Variants in GDAP2 observed in about 807,000 individuals in gnomAD.
GDAP2 encodes ganglioside induced differentiation associated protein 2.
Under a neutral mutation model 67.0 loss-of-function variants are expected in GDAP2, and 51 were observed. That is an observed-to-expected ratio of 0.76 (90% CI 0.61 to 0.96). GDAP2 has a LOEUF of 0.96. GDAP2 is among the 40% of genes least tolerant of loss of function. GDAP2 has a pLI of 0.00. For missense variants in GDAP2, 547 were observed against 588.3 expected, an observed-to-expected ratio of 0.93 and a Z score of 0.73; for synonymous variants, 203 against 207.3, an observed-to-expected ratio of 0.98 and a Z score of 0.18.
chr1:117,901,071 A>G (rs1649452313), intron 6 of GDAP2, among the ~76,000 whole-genome samples: 1 of 152,170 alleles, frequency 6.6e-6, no homozygotes, highest in African/African-American at 2.4e-5. Context: ...AAAAATAAAT[A>G]ATAAATAAAA....
intron 3 of GDAP2, among the ~76,000 whole-genome samples, chr1:117,917,324 T>A (rs758616688): frequency 6.6e-6 from 1 of 152,186 alleles, no homozygotes; most frequent in Admixed American, 6.5e-5. Context: ...AAAAAGGGGA[T>A]AGGATTAAGT....
intron 11 of GDAP2, among the ~76,000 whole-genome samples, chr1:117,882,089 T>C (rs1298789926): frequency 6.6e-6 from 1 of 152,174 alleles, no homozygotes; most frequent in Non-Finnish European, 1.5e-5. Context: ...TAGGAGATAT[T>C]AAGTGCTTCT....
At chr1:117,906,651 C>G (rs4659353) in intron 5 of GDAP2, 69 bp from the exon 6 acceptor site, 15 of 833,094 alleles carry the variant, frequency 1.8e-5, no homozygotes, top group Middle Eastern at 3.1e-4. Flanking sequence ...AAATCAAGCT[C>G]TTCAATGTTT....
At chr1:117,878,347 T>A (rs1296390921) in intron 12 of GDAP2, among the ~76,000 whole-genome samples, 195 bp from the exon 13 acceptor site, 1 of 152,196 alleles carries the variant, frequency 6.6e-6, no homozygotes, top group African/African-American at 2.4e-5. Context: ...GAAACGAGGA[T>A]AACACTGACT....
intron 13 of GDAP2, chr1:117,877,630 A>T (rs1335165587): frequency 1.2e-5 from 12 of 997,506 alleles, no homozygotes; most frequent in Middle Eastern, 5.1e-4. Flanking sequence ...CATGATTTGC[A>T]ATTAATTCTA....
At chr1:117,914,411 A>AAAATAATAATTG (rs1649974568) in intron 3 of GDAP2, among the ~76,000 whole-genome samples, 1 of 152,194 alleles carries the variant, frequency 6.6e-6, no homozygotes. Flanking sequence ...AAATAAAACA[A>AAAATAATAATTG]AAATAAATTG....
chr1:117,913,256 C>T (rs1408197292), intron 3 of GDAP2, among the ~76,000 whole-genome samples: 3 of 152,090 alleles, frequency 2.0e-5, no homozygotes, highest in Non-Finnish European at 4.4e-5. Context: ...GCTAAAAAGG[C>T]TCAGAAATTG....
rs1648173687 is a variant in GDAP2 at position 117,869,182 on chromosome 1, G to C, written c.*1387C>G. 1 of 152,040 alleles carries C rather than the reference G, an allele frequency of 6.6e-6. No individual in the cohort carries two copies. Among genetic ancestry groups the C allele is most frequent in the Non-Finnish European group, 1.5e-5 (1 of 68,056 alleles). 9.4% of individuals were successfully genotyped at this position (152,040 alleles called of 1,614,324 possible). On this transcript the variant is annotated 3_prime_UTR_variant, in exon 14 of 14. Transcript: ENST00000369443. ...GGGGTGAGGAAGATGGGGCTGTGGG[G>C]AGGTGGCTGTAGGAATCAAAAAAAG...
intron 8 of GDAP2, among the ~76,000 whole-genome samples, chr1:117,895,448 A>G (rs1053092979): frequency 6.6e-6 from 1 of 152,210 alleles, no homozygotes; most frequent in Non-Finnish European, 1.5e-5. Context: ...AAAATAAATA[A>G]ATAATTTCTC....
chr1:117,905,251 C>T (rs932736344), intron 6 of GDAP2, among the ~76,000 whole-genome samples: 8 of 152,192 alleles, frequency 5.3e-5, no homozygotes, highest in African/African-American at 1.9e-4. Context: ...CTGTTTCCCA[C>T]TGCATAATTA....
intron 5 of GDAP2, among the ~76,000 whole-genome samples, chr1:117,911,460 A>G (rs1483212586): frequency 2.0e-5 from 3 of 152,184 alleles, no homozygotes; most frequent in Non-Finnish European, 1.5e-5. Flanking sequence ...TAACTACTCA[A>G]TGCATTAGCC....
Position 117,895,878 on chromosome 1 carries a change from G to A in GDAP2, c.953+955C>T, listed in dbSNP as rs552141027. Among the ~76,000 whole-genome samples the A allele has an allele frequency of 6.6e-5, 10 of 152,206 alleles. No homozygotes were observed. In the East Asian group the frequency reaches 1.7e-3, roughly 26 times the overall value. ...CATGCAGACATCATTACAATACAGC[G>A]TGAAAAATGCTATGCTATGCTTTGG... On this transcript the variant is annotated intron_variant, in intron 8 of 13. Transcript: ENST00000369443.
intron 6 of GDAP2, among the ~76,000 whole-genome samples, chr1:117,900,658 C>T (rs927647066): frequency 2.0e-5 from 3 of 149,722 alleles, no homozygotes; most frequent in African/African-American, 7.4e-5. Flanking sequence ...CCCAGCTACT[C>T]GGGAGGCTGA....
At chr1:117,874,868 C>T (rs1358682028) in intron 13 of GDAP2, among the ~76,000 whole-genome samples, 3 of 152,174 alleles carry the variant, frequency 2.0e-5, no homozygotes, top group Non-Finnish European at 4.4e-5. Flanking sequence ...CTTAGCTGCA[C>T]TGTGTCCATC....
At chr1:117,903,766 C>A (rs946272644) in intron 6 of GDAP2, among the ~76,000 whole-genome samples, 1 of 151,918 alleles carries the variant, frequency 6.6e-6, no homozygotes, top group African/African-American at 2.4e-5. Flanking sequence ...GTTGAGAATT[C>A]GTAATTTTTT....
At chr1:117,895,393 AT>A (rs1247854430) in intron 8 of GDAP2, among the ~76,000 whole-genome samples, 8 of 152,152 alleles carry the variant, frequency 5.3e-5, no homozygotes, top group Admixed American at 5.2e-4. Flanking sequence ...AATTTGCAAG[AT>A]TAAAAAAAAA....
chr1:117,874,713 A>C (rs542828043), intron 13 of GDAP2, among the ~76,000 whole-genome samples: 3 of 152,192 alleles, frequency 2.0e-5, no homozygotes, highest in Non-Finnish European at 4.4e-5. Flanking sequence ...GAAAGTTTGA[A>C]ACTTCTTAGA....
In GDAP2 at chr1:117,912,547, G is replaced by C; in HGVS notation, c.453C>G (p.Asn151Lys). Residue 151 changes from asparagine (N) to lysine (K), a missense_variant, in exon 4 of 14, where the codon AAC becomes AAG. By Grantham distance (94) the Asn-to-Lys change is moderately conservative (BLOSUM62 0). Transcript: ENST00000369443. ...AESSLYSCYR[N>K]VLQLAKEQSM... Reference sequence around the variant, plus strand: ...GACCATACTTTGCTAGTTGAAGTACGTTTCTGTAGCAGCTATAAAGGGAAC... The same window carrying C: ...GACCATACTTTGCTAGTTGAAGTACCTTTCTGTAGCAGCTATAAAGGGAAC... 1 of 1,613,336 alleles carries C rather than the reference G, an allele frequency of 6.2e-7. No homozygotes were observed. Among genetic ancestry groups the C allele is most frequent in the East Asian group, 2.2e-5 (1 of 44,868 alleles).
At chr1:117,919,156 T>C (rs1366483826) in intron 2 of GDAP2, among the ~76,000 whole-genome samples, 3 of 152,144 alleles carry the variant, frequency 2.0e-5, no homozygotes, top group African/African-American at 7.2e-5. Context: ...AGATGGATCA[T>C]GAGGTCAGGA....
Sources: allele counts gnomAD v4.1 joint callset (sites outside exome capture counted in the v4.1 genomes callset), GRCh38; gene constraint gnomAD v4.1.1; transcripts MANE v1.5; gene names NCBI Gene and HGNC (gene_info 2026-07-23, HGNC 2026-07-21).